The following SPMAP2 variants were observed in gnomAD, a reference collection of about 807,000 sequenced individuals.
SPMAP2 encodes the protein sperm microtubule associated protein 2.
the SPMAP2 span, chr19:362,268 C>A: frequency 6.3e-7 from 1 of 1,593,076 alleles, no homozygotes. Flanking sequence ...CTCATAGAGG[C>A]GAGGGGACGC....
the SPMAP2 span, chr19:374,003 C>A: frequency 1.2e-6 from 2 of 1,613,448 alleles, no homozygotes; most frequent in Non-Finnish European, 1.7e-6. Context: ...CTTACCACAG[C>A]GTCCCTTCCT....
chr19:375,541 G>A, the SPMAP2 span: 195 of 1,104,616 alleles, frequency 1.8e-4, 1 homozygote, highest in Middle Eastern at 5.6e-4. Flanking sequence ...CGGGAGCAGC[G>A]AGCCAGGCCG....
the SPMAP2 span, chr19:373,498 C>T: frequency 1.9e-6 from 3 of 1,613,438 alleles, no homozygotes; most frequent in South Asian, 1.1e-5. Flanking sequence ...GGGTGGTGTC[C>T]TCAAGGAACC....
At chr19:364,147 C>G in the SPMAP2 span, among the ~76,000 whole-genome samples, 2 of 149,852 alleles carry the variant, frequency 1.3e-5, no homozygotes, top group Non-Finnish European at 3.0e-5. Flanking sequence ...TCCTGGCTCA[C>G]ACGGTGAAAT....
chr19:362,017 G>A, the SPMAP2 span: 1 of 444,802 alleles, frequency 2.2e-6, no homozygotes, highest in Non-Finnish European at 3.9e-6. Context: ...GATGGTCAAT[G>A]AAAGTGACTC....
At chr19:373,683 C>A in the SPMAP2 span, 2 of 716,374 alleles carry the variant, frequency 2.8e-6, no homozygotes, top group Non-Finnish European at 4.8e-6. Context: ...GGGGGGCCGG[C>A]GGGACGCGTG....
At chr19:367,205 G>T in the SPMAP2 span, 3 of 1,599,844 alleles carry the variant, frequency 1.9e-6, no homozygotes, top group South Asian at 2.3e-5. Flanking sequence ...CATTTGGGCT[G>T]CCCTGGATAC....
the SPMAP2 span, chr19:362,425 C>A: frequency 1.9e-6 from 3 of 1,598,852 alleles, no homozygotes; most frequent in East Asian, 2.2e-5. Context: ...GAGCTTTGGG[C>A]CCTAGTGGGG....
chr19:371,158 C>G, the SPMAP2 span: 1 of 1,198,040 alleles, frequency 8.3e-7, no homozygotes, highest in Non-Finnish European at 1.1e-6. Context: ...CTGCCGGGTC[C>G]CAGCCCGCCT....
chr19:375,709 C>G, the SPMAP2 span: 2 of 1,605,768 alleles, frequency 1.2e-6, no homozygotes, highest in Non-Finnish European at 1.7e-6. Context: ...AGGACTCTCT[C>G]CAACTCAGAA....
At chr19:374,151 C>A in the SPMAP2 span, 6,135 of 1,475,400 alleles carry the variant, frequency 4.2e-3, 275 homozygotes, top group East Asian at 0.1. Flanking sequence ...ACCTCCTTAA[C>A]TGGCCAACCC....
At chr19:364,722 C>A in the SPMAP2 span, among the ~76,000 whole-genome samples, 2 of 152,086 alleles carry the variant, frequency 1.3e-5, no homozygotes, top group African/African-American at 4.8e-5. Flanking sequence ...TGGTGGCTGT[C>A]CCTCAGGCAC....
At chr19:363,780 C>T in the SPMAP2 span, among the ~76,000 whole-genome samples, 1 of 151,992 alleles carries the variant, frequency 6.6e-6, no homozygotes, top group Non-Finnish European at 1.5e-5. Flanking sequence ...GGCAACCTGC[C>T]CGCCTCGGCC....
the SPMAP2 span, chr19:366,963 TG>T: frequency 5.4e-6 from 7 of 1,289,384 alleles, no homozygotes; most frequent in Non-Finnish European, 6.4e-6. Flanking sequence ...TTCTCTTTCA[TG>T]GGGGAGAGCT....
chr19:375,647 G>T, the SPMAP2 span: 6 of 1,535,482 alleles, frequency 3.9e-6, no homozygotes, highest in Non-Finnish European at 4.4e-6. Context: ...AGGCAGGCCC[G>T]TTCCCCGGTG....
chr19:366,357 C>T, the SPMAP2 span, among the ~76,000 whole-genome samples: 3 of 152,040 alleles, frequency 2.0e-5, no homozygotes, highest in Non-Finnish European at 2.9e-5. Flanking sequence ...AGCGTGAGTG[C>T]GTGCGTGTAC....
At chr19:364,696 G>T in the SPMAP2 span, among the ~76,000 whole-genome samples, 1 of 152,042 alleles carries the variant, frequency 6.6e-6, no homozygotes, top group Non-Finnish European at 1.5e-5. Flanking sequence ...CCTGGCTGGG[G>T]TCATGTCTTG....
the SPMAP2 span, chr19:375,766 C>T: frequency 1.9e-6 from 3 of 1,610,142 alleles, no homozygotes. Context: ...TCCCCGGCCA[C>T]CTCCTCGGGG....
the SPMAP2 span, among the ~76,000 whole-genome samples, chr19:366,427 G>A: frequency 1.9e-4 from 29 of 152,224 alleles, no homozygotes; most frequent in African/African-American, 5.5e-4. Flanking sequence ...TGTGCAGGAC[G>A]GTGTAAGGCA....
Sources: gnomAD v4.1 joint callset for allele counts (sites outside exome capture counted in the v4.1 genomes callset) on GRCh38, gnomAD v4.1.1 for gene constraint, MANE v1.5 for transcripts, NCBI Gene and HGNC (gene_info 2026-07-23, HGNC 2026-07-21) for gene names.